Variants in LRBA observed in about 807,000 individuals in gnomAD.
LRBA encodes lipopolysaccharide-responsive and beige-like anchor protein.
A neutral mutation model predicts 330.0 loss-of-function variants in LRBA; 176 were observed. That is an observed-to-expected ratio of 0.53 (90% CI 0.47 to 0.60). The LOEUF is 0.60. Among genes scored for constraint, LRBA ranks in the 20% least tolerant of loss-of-function variants. LRBA has a pLI of 0.00. For missense variants in LRBA, 3,259 were observed against 3,444.8 expected, an observed-to-expected ratio of 0.95 and a Z score of 1.35; for synonymous variants, 1,230 against 1,193.0, an observed-to-expected ratio of 1.03 and a Z score of -0.64.
intron 37 of LRBA, among the ~76,000 whole-genome samples, chr4:150,636,643 C>A (rs1777941313): frequency 6.6e-6 from 1 of 152,128 alleles, no homozygotes; most frequent in Non-Finnish European, 1.5e-5. Context: ...GGAAATATAT[C>A]CAGCTGGGCA....
chr4:150,649,596 T>C (rs1314725136), intron 37 of LRBA, among the ~76,000 whole-genome samples: 2 of 152,182 alleles, frequency 1.3e-5, no homozygotes, highest in Non-Finnish European at 2.9e-5. Flanking sequence ...AAGTACTTTA[T>C]TTGTACCTTT....
At chr4:150,426,865 T>C (rs2151975103) in intron 46 of LRBA, among the ~76,000 whole-genome samples, 1 of 152,076 alleles carries the variant, frequency 6.6e-6, no homozygotes, top group East Asian at 1.9e-4. Context: ...CTTCATATTA[T>C]GATAAATATC....
At chr4:150,795,710 G>A (rs1740683057) in intron 34 of LRBA, among the ~76,000 whole-genome samples, 1 of 151,896 alleles carries the variant, frequency 6.6e-6, no homozygotes, top group East Asian at 1.9e-4. Context: ...ATTGGTAAAT[G>A]AGTGGACATT....
intron 34 of LRBA, among the ~76,000 whole-genome samples, chr4:150,784,427 T>C (rs1179263093): frequency 6.6e-6 from 1 of 152,198 alleles, no homozygotes; most frequent in African/African-American, 2.4e-5. Context: ...TTTTTGCCCT[T>C]GCCCCACATG....
In LRBA at chr4:151,015,267, T is replaced by C. The variant is rs1378782748; in HGVS notation, c.-285A>G. ...AGCGAGACCGAGGTGGCGGCGGAGA[T>C]CCAGGGCAGGAAAAGGCGGGGGAAG... On this transcript the variant is annotated 5_prime_UTR_variant, in exon 1 of 57. Coordinates refer to ENST00000651943, the MANE Select transcript of LRBA (RefSeq NM_001364905.1). 6.5e-6 allele frequency: 1 copy of C among 152,774 alleles called. No homozygotes were observed. Among genetic ancestry groups the C allele is most frequent in the Non-Finnish European group, 1.5e-5 (1 of 68,660 alleles). 9.5% of individuals were successfully genotyped at this position (152,774 alleles called of 1,614,324 possible). A position where few individuals can be genotyped will look rare whatever the true frequency, so the allele number is the denominator to read the frequency against.
intron 37 of LRBA, among the ~76,000 whole-genome samples, chr4:150,655,023 T>C (rs544817223): frequency 2.6e-5 from 4 of 152,170 alleles, no homozygotes; most frequent in East Asian, 3.9e-4. Context: ...TGTGTCTTTA[T>C]AGCAGCATGA....
At chr4:150,972,680 T>G (rs771251235) in intron 2 of LRBA, among the ~76,000 whole-genome samples, 1 of 152,216 alleles carries the variant, frequency 6.6e-6, no homozygotes, top group Non-Finnish European at 1.5e-5. Flanking sequence ...AAGAAAAACA[T>G]GTACTACTTT....
intron 40 of LRBA, among the ~76,000 whole-genome samples, chr4:150,566,064 C>G (rs375430380): frequency 7.3e-6 from 1 of 136,416 alleles, no homozygotes; most frequent in African/African-American, 2.8e-5. Context: ...CCTGTCTCTA[C>G]AAAAAAAAAA....
chr4:150,719,656 C>T (rs1164659055), intron 36 of LRBA, among the ~76,000 whole-genome samples: 1 of 151,946 alleles, frequency 6.6e-6, no homozygotes, highest in African/African-American at 2.4e-5. Flanking sequence ...CCCCATGCCC[C>T]CAAAGCAATA....
Position 150,487,711 on chromosome 4 carries a change from G to C in LRBA, c.6551+21C>G, listed in dbSNP as rs774309769. 3.4e-6 allele frequency: 5 copies of C among 1,463,600 alleles called. No homozygotes were observed. The Admixed American group carries it at 8.5e-5, about 25-fold the overall frequency. The allele number at this position is 1,463,600 out of a possible 1,614,324, so 90.7% of individuals were successfully genotyped here. A position where few individuals can be genotyped will look rare whatever the true frequency, so the allele number is the denominator to read the frequency against. On this transcript the variant is annotated intron_variant, in intron 42 of 56. Transcript: ENST00000651943. ...TATTAAGACACTTTACTTTCCCTAAGTTTCTCATATAAAACAGTACCTGGT... is the reference window on the plus strand; with the variant it reads ...TATTAAGACACTTTACTTTCCCTAACTTTCTCATATAAAACAGTACCTGGT...
At chr4:150,651,625 G>C (rs776361880) in intron 37 of LRBA, among the ~76,000 whole-genome samples, 1 of 151,488 alleles carries the variant, frequency 6.6e-6, no homozygotes, top group African/African-American at 2.4e-5. Flanking sequence ...AACTGTATCA[G>C]AGCACCCAGC....
intron 36 of LRBA, among the ~76,000 whole-genome samples, chr4:150,713,066 A>AGCCAAGACTACAGGCATGTGCC (rs1786392926): frequency 1.3e-5 from 2 of 152,032 alleles, no homozygotes; most frequent in Admixed American, 6.6e-5. Flanking sequence ...CCTCCCAAGC[A>AGCCAAGACTACAGGCATGTGCC]GCCAAGACTA....
chr4:150,741,006 A>C (rs1418557704), intron 35 of LRBA, among the ~76,000 whole-genome samples: 1 of 152,114 alleles, frequency 6.6e-6, no homozygotes, highest in Non-Finnish European at 1.5e-5. Context: ...CATACAAACA[A>C]ACCAATTCCA....
In LRBA at chr4:150,817,057, A is replaced by G. The variant is rs373138386; in HGVS notation, c.5305+67T>C. ...TGCCCCCAAATTTTAAGTTAATCAA[A>G]AATCTTAAGCGTTGCTAAAATGAGA... On this transcript the variant is annotated intron_variant, in intron 31 of 56. Coordinates refer to ENST00000651943, the MANE Select transcript of LRBA (RefSeq NM_001364905.1). 2.7e-6 allele frequency: 4 copies of G among 1,474,940 alleles called. No homozygotes were observed. The South Asian group carries it at 4.7e-5, about 17-fold the overall frequency. The allele number at this position is 1,474,940 out of a possible 1,614,324, so 91.4% of individuals were successfully genotyped here.
intron 2 of LRBA, among the ~76,000 whole-genome samples, chr4:150,964,707 C>A (rs1016281292): frequency 7.2e-5 from 11 of 152,054 alleles, no homozygotes; most frequent in African/African-American, 2.4e-4. Flanking sequence ...GGGCCCTCTG[C>A]CTAGGAAAAC....
chr4:150,474,084 T>C (rs577659556), intron 42 of LRBA, among the ~76,000 whole-genome samples: 1 of 152,314 alleles, frequency 6.6e-6, no homozygotes, highest in South Asian at 2.1e-4. Flanking sequence ...TCCTATGTTT[T>C]CTTTCTGACA....
intron 47 of LRBA, among the ~76,000 whole-genome samples, chr4:150,364,188 G>A (rs773417948): frequency 1.3e-5 from 2 of 152,134 alleles, no homozygotes; most frequent in African/African-American, 2.4e-5. Flanking sequence ...CAAAGAAAAT[G>A]CATCTAGAGG....
chr4:150,712,084 G>T (rs1786275618), intron 36 of LRBA, among the ~76,000 whole-genome samples: 2 of 152,194 alleles, frequency 1.3e-5, no homozygotes, highest in Admixed American at 1.3e-4. Flanking sequence ...GTATACTGTA[G>T]CGATTAAAAG....
intron 17 of LRBA, among the ~76,000 whole-genome samples, chr4:150,892,005 T>C (rs1227156032): frequency 6.6e-6 from 1 of 152,024 alleles, no homozygotes; most frequent in Non-Finnish European, 1.5e-5. Flanking sequence ...GGAAGGAGGA[T>C]CCCTTGAGCC....
Sources: gnomAD v4.1 joint callset for allele counts (sites outside exome capture counted in the v4.1 genomes callset) on GRCh38, gnomAD v4.1.1 for gene constraint, MANE v1.5 for transcripts, NCBI Gene and HGNC (gene_info 2026-07-23, HGNC 2026-07-21) for gene names.